ITGB1: variants seen among roughly 807,000 people sequenced by gnomAD.
ITGB1 encodes integrin subunit beta 1.
Under a neutral mutation model 86.5 loss-of-function variants are expected in ITGB1, and 24 were observed. The observed-to-expected ratio is 0.28, with a 90% confidence interval of 0.20 to 0.39. The LOEUF is 0.39. ITGB1 is among the 10% of genes least tolerant of loss of function. The probability of loss-of-function intolerance (pLI) is 1.00; values close to 1 mark genes in which losing one functional copy is unlikely to be tolerated. For synonymous variants in ITGB1, 323 were observed against 316.8 expected, an observed-to-expected ratio of 1.02 and a Z score of -0.21; for missense variants, 556 against 946.9, an observed-to-expected ratio of 0.59 and a Z score of 5.42.
intron 11 of ITGB1, among the ~76,000 whole-genome samples, chr10:32,919,610 G>A (rs868790642): frequency 1.1e-4 from 17 of 152,276 alleles, no homozygotes; most frequent in Middle Eastern, 6.8e-3. Flanking sequence ...TCACATGAGA[G>A]AAACGCTACC....
chr10:32,902,335 CAAG>C (rs1203276036), intron 15 of ITGB1, among the ~76,000 whole-genome samples: 1 of 152,194 alleles, frequency 6.6e-6, no homozygotes, highest in Non-Finnish European at 1.5e-5. Context: ...GCCATAAACA[CAAG>C]AGATCTTTCA....
chr10:32,944,419 CG>C, intron 1 of ITGB1: 1 of 316,666 alleles, frequency 3.2e-6, no homozygotes. Context: ...CGGCAGCAGC[CG>C]TGATCATGGG....
chr10:32,942,698 G>T (rs12412206), intron 1 of ITGB1, among the ~76,000 whole-genome samples: 21,608 of 75,160 alleles, frequency 0.29, 2,471 homozygotes, highest in South Asian at 0.39. Context: ...TTTTTTTTTT[G>T]GGGGGAGACA....
At chr10:32,906,483 G>A (rs756197829) in intron 15 of ITGB1, 27 of 223,638 alleles carry the variant, frequency 1.2e-4, no homozygotes, top group Non-Finnish European at 1.9e-4. Flanking sequence ...CCAGGTACTC[G>A]GGAGGCTGAG....
chr10:32,945,204 T>TTA (rs2095028403), intron 1 of ITGB1, among the ~76,000 whole-genome samples: 1 of 152,186 alleles, frequency 6.6e-6, no homozygotes, highest in Admixed American at 6.5e-5. Flanking sequence ...CTAGTGTGTT[T>TTA]TATCCAGTCA....
In ITGB1 at chr10:32,912,001, G is replaced by A. The variant is rs149055349; in HGVS notation, c.1593C>T (p.Cys531=). Residue 531 remains cysteine (C), a synonymous_variant, in exon 12 of 16, where the codon TGC becomes TGT. Transcript: ENST00000302278. ...SSEICSNNGE[C]VCGQCVCRKR... is the part of the protein sequence containing the mutation. ...TCCTACAAACACACTGTCCGCAGAC[G>A]CACTCTCCATTGTTACTGCAGATTT... 4.5e-5 allele frequency: 72 copies of A among 1,613,786 alleles called. No homozygotes were observed. The highest frequency in any genetic ancestry group is 5.8e-5 in the Non-Finnish European group (69 of 1,179,856).
Position 32,911,431 on chromosome 10 carries a change from A to C in ITGB1, c.1931+17T>G, listed in dbSNP as rs201257337. On this transcript the variant is annotated intron_variant, in intron 13 of 15. Coordinates refer to ENST00000302278, the MANE Select transcript of ITGB1 (RefSeq NM_002211.4). Reference sequence around the variant, plus strand: ...AGAGGAAGTATCAACTATTTCAAGCAATTAGGAAATACTTACTTATGCTCA... The same window carrying C: ...AGAGGAAGTATCAACTATTTCAAGCCATTAGGAAATACTTACTTATGCTCA... 3.9e-5 allele frequency: 62 copies of C among 1,603,898 alleles called. No individual in the cohort carries two copies. Among genetic ancestry groups the C allele is most frequent in the Non-Finnish European group, 5.1e-5 (60 of 1,171,324 alleles).
chr10:32,909,329 T>A (rs1032606377), intron 14 of ITGB1, among the ~76,000 whole-genome samples: 42 of 152,166 alleles, frequency 2.8e-4, no homozygotes, highest in Non-Finnish European at 5.1e-4. Context: ...TGTCACACAC[T>A]AACTCAAAAT....
intron 15 of ITGB1, among the ~76,000 whole-genome samples, chr10:32,907,501 G>T (rs1007184502): frequency 5.9e-5 from 9 of 152,064 alleles, no homozygotes; most frequent in African/African-American, 2.2e-4. Flanking sequence ...AGTTTACTGA[G>T]ATATAATTTT....
At position 32,910,394 on chromosome 10, in the gene ITGB1, A is replaced by G. The variant is rs750195307; in HGVS notation, c.1993T>C (p.Cys665Arg). 1.2e-6 allele frequency: 2 copies of G among 1,606,908 alleles called. No individual in the cohort carries two copies. The highest frequency in any genetic ancestry group is 1.7e-6 in the Non-Finnish European group (2 of 1,173,862). Residue 665 changes from cysteine (C) to arginine (R), a missense_variant, in exon 14 of 16, where the codon TGT becomes CGT. Physicochemically the swap from Cys to Arg is radical, Grantham distance 180. This residue lies in a region of ITGB1 where 330 missense variants were observed against 531.5 expected (regional missense o/e 0.62). Transcript: ENST00000302278. The part of the protein sequence containing the change: ...GEKKDTCTQE[C>R]SYFNITKVES... ...ACCTTGGTAATGTTAAAATAGGAAC[A>G]TTCCTGTGTGCATGTGTCTTTCTTT... is the stretch of plus-strand genomic sequence containing the variant.
chr10:32,925,124 G>C (rs892736419), intron 6 of ITGB1, among the ~76,000 whole-genome samples: 1 of 152,104 alleles, frequency 6.6e-6, no homozygotes, highest in Non-Finnish European at 1.5e-5. Flanking sequence ...GCACTGGAGG[G>C]AACAAAAATG....
At chr10:32,944,273 G>A (rs1817505682) in intron 1 of ITGB1, among the ~76,000 whole-genome samples, 5 of 152,244 alleles carry the variant, frequency 3.3e-5, no homozygotes, top group Admixed American at 3.3e-4. Flanking sequence ...GGGAAGGCCT[G>A]GGAGCCACAG....
intron 11 of ITGB1, among the ~76,000 whole-genome samples, chr10:32,913,481 G>A (rs2094920588): frequency 6.6e-6 from 1 of 152,224 alleles, no homozygotes. Flanking sequence ...TAAATGACCT[G>A]ATGGAGCGGA....
At chr10:32,923,200 T>G (rs190049400) in intron 7 of ITGB1, among the ~76,000 whole-genome samples, 173 of 152,334 alleles carry the variant, frequency 1.1e-3, no homozygotes, top group African/African-American at 4.0e-3. Flanking sequence ...CCAATATTTA[T>G]TTTCAATAAA....
chr10:32,921,787 C>T (rs1473703517), intron 9 of ITGB1, among the ~76,000 whole-genome samples: 2 of 151,620 alleles, frequency 1.3e-5, no homozygotes, highest in East Asian at 1.9e-4. Context: ...TTATGGTATA[C>T]GTATATATGA....
intron 1 of ITGB1, among the ~76,000 whole-genome samples, chr10:32,942,668 T>C (rs1362792801): frequency 3.7e-5 from 5 of 135,152 alleles, no homozygotes; most frequent in Admixed American, 2.3e-4. Flanking sequence ...GCCTCGACCC[T>C]GTCTCTCTCT....
Position 32,940,620 on chromosome 10 carries a change from T to C in ITGB1, c.1-5062A>G, listed in dbSNP as rs1253485811. On this transcript the variant is annotated intron_variant, in intron 1 of 15. Transcript: ENST00000302278. ...TCCATCACTGACCGAAAAGTCATTATGTGGCACATAACTGTGTAACTGATG... is the reference window on the plus strand; with the variant it reads ...TCCATCACTGACCGAAAAGTCATTACGTGGCACATAACTGTGTAACTGATG... 3.3e-5 allele frequency among the ~76,000 whole-genome samples: 5 copies of C among 152,348 alleles called. No homozygotes were observed. In the East Asian group the frequency reaches 9.7e-4, roughly 29 times the overall value.
At chr10:32,935,049 G>T (rs1441761760) in intron 2 of ITGB1, among the ~76,000 whole-genome samples, 1 of 152,172 alleles carries the variant, frequency 6.6e-6, no homozygotes, top group East Asian at 1.9e-4. Flanking sequence ...TATTTTCACT[G>T]CTTTCCTAGA....
intron 4 of ITGB1, 112 bp from the exon 5 acceptor site, chr10:32,928,376 T>C (rs1477373427): frequency 1.2e-5 from 7 of 573,232 alleles, no homozygotes; most frequent in Non-Finnish European, 2.2e-5. Context: ...TAAAACATGT[T>C]GTCATAATTT....
Sources: allele counts gnomAD v4.1 joint callset (sites outside exome capture counted in the v4.1 genomes callset), GRCh38; gene constraint gnomAD v4.1.1; regional missense constraint gnomAD v4.1.1; transcripts MANE v1.5; gene names NCBI Gene and HGNC (gene_info 2026-07-23, HGNC 2026-07-21).